ITGA1: variants seen among roughly 807,000 people sequenced by gnomAD.
ITGA1 encodes integrin alpha-1.
ITGA1 carries 85 observed loss-of-function variants against 145.9 expected under a neutral mutation model. That is an observed-to-expected ratio of 0.58 (90% CI 0.49 to 0.70). The LOEUF is 0.70. ITGA1 is among the 30% of genes least tolerant of loss of function. The pLI is 0.00. For synonymous variants in ITGA1, 520 were observed against 495.3 expected (o/e 1.05, Z -0.66); for missense variants, 1,351 against 1,418.7 (o/e 0.95, Z 0.77).
intron 1 of ITGA1, among the ~76,000 whole-genome samples, chr5:52,809,217 C>G (rs1238818522): frequency 6.6e-6 from 1 of 152,158 alleles, no homozygotes; most frequent in African/African-American, 2.4e-5. Flanking sequence ...GACAGGGACT[C>G]TAATAGCCCC....
At chr5:52,866,466 G>A (rs886270143) in intron 6 of ITGA1, among the ~76,000 whole-genome samples, 5 of 152,104 alleles carry the variant, frequency 3.3e-5, no homozygotes, top group African/African-American at 7.2e-5. Context: ...AGAGCCGGGT[G>A]TCAGAGTTTG....
intron 22 of ITGA1, 32 bp from the exon 23 acceptor site, chr5:52,933,862 T>C: frequency 9.4e-7 from 1 of 1,069,116 alleles, no homozygotes; most frequent in South Asian, 1.8e-5. Flanking sequence ...AACTTTGTTA[T>C]GTTTTATTTT....
At chr5:52,865,572 C>A in intron 5 of ITGA1, 118 bp from the exon 6 acceptor site, 1 of 767,584 alleles carries the variant, frequency 1.3e-6, no homozygotes, top group Non-Finnish European at 1.9e-6. Context: ...AACAATGTGT[C>A]TACTTTGGAG....
chr5:52,899,586 GGAGAAAA>G (rs1750282723), intron 11 of ITGA1, among the ~76,000 whole-genome samples: 1 of 152,092 alleles, frequency 6.6e-6, no homozygotes, highest in African/African-American at 2.4e-5. Context: ...CATACTACAA[GGAGAAAA>G]TGACAAACTA....
At chr5:52,891,674 A>T (rs546838635) in intron 8 of ITGA1, among the ~76,000 whole-genome samples, 87 of 141,380 alleles carry the variant, frequency 6.2e-4, no homozygotes, top group Admixed American at 3.5e-3. Flanking sequence ...TTTTAAAAAA[A>T]ATATTGAAGC....
chr5:52,896,685 A>G (rs554806052), intron 9 of ITGA1, among the ~76,000 whole-genome samples: 2 of 152,290 alleles, frequency 1.3e-5, no homozygotes, highest in Admixed American at 6.5e-5. Context: ...CATTCCATCA[A>G]TTCCCTCAGG....
intron 1 of ITGA1, among the ~76,000 whole-genome samples, chr5:52,834,957 AC>A (rs1276227733): frequency 6.6e-6 from 1 of 152,184 alleles, no homozygotes; most frequent in African/African-American, 2.4e-5. Context: ...TGAGAGAAGG[AC>A]AAAGAAGAAA....
intron 1 of ITGA1, among the ~76,000 whole-genome samples, chr5:52,790,435 A>G (rs1305883344): frequency 6.6e-6 from 1 of 152,218 alleles, no homozygotes; most frequent in Non-Finnish European, 1.5e-5. Context: ...ACAGTTCTGT[A>G]GGTCAGAAGT....
chr5:52,835,491 A>C (rs969097794), intron 1 of ITGA1, among the ~76,000 whole-genome samples: 1 of 152,150 alleles, frequency 6.6e-6, no homozygotes, highest in Non-Finnish European at 1.5e-5. Flanking sequence ...TTGAGAATAC[A>C]AGATGTTTCA....
chr5:52,877,730 C>T (rs1749889762), intron 6 of ITGA1, among the ~76,000 whole-genome samples: 1 of 152,196 alleles, frequency 6.6e-6, no homozygotes, highest in Non-Finnish European at 1.5e-5. Flanking sequence ...AGCTGTAACG[C>T]TGCAGCTTCA....
intron 1 of ITGA1, among the ~76,000 whole-genome samples, chr5:52,825,721 C>T (rs1326593818): frequency 6.6e-6 from 1 of 152,112 alleles, no homozygotes; most frequent in Non-Finnish European, 1.5e-5. Context: ...AGATCGAGAC[C>T]ATTCTGGTCA....
chr5:52,800,256 GT>G (rs752814686), intron 1 of ITGA1: 12 of 806,022 alleles, frequency 1.5e-5, no homozygotes, highest in Non-Finnish European at 2.4e-5. Context: ...AAGCAAGCGT[GT>G]TTCCTTCCCG....
chr5:52,931,967 C>T (rs1208010712), intron 21 of ITGA1, 80 bp from the exon 22 acceptor site: 4 of 819,944 alleles, frequency 4.9e-6, no homozygotes, highest in Non-Finnish European at 2.0e-6. Flanking sequence ...CCAGGATAAG[C>T]TTCTCTTTCA....
chr5:52,882,455 C>T (rs769166675), intron 7 of ITGA1, among the ~76,000 whole-genome samples: 22 of 151,808 alleles, frequency 1.4e-4, no homozygotes, highest in Non-Finnish European at 2.6e-4. Context: ...TTACCGTTAT[C>T]GAAGCTACTA....
At chr5:52,845,656 A>T (rs1369058351) in intron 1 of ITGA1, among the ~76,000 whole-genome samples, 1 of 152,080 alleles carries the variant, frequency 6.6e-6, no homozygotes, top group Non-Finnish European at 1.5e-5. Flanking sequence ...GAGATTTTTG[A>T]TTATGACAAC....
chr5:52,866,682 A>T (rs576438530), intron 6 of ITGA1, among the ~76,000 whole-genome samples: 1 of 152,304 alleles, frequency 6.6e-6, no homozygotes, highest in South Asian at 2.1e-4. Flanking sequence ...CCCCCAATTA[A>T]TATCTATTTC....
chr5:52,883,415 G>T (rs7711361), intron 7 of ITGA1, among the ~76,000 whole-genome samples: 3,800 of 152,262 alleles, frequency 0.025, 181 homozygotes, highest in African/African-American at 0.088. Context: ...TTCACAAAGG[G>T]TATAGCTGTG....
chr5:52,952,116 G>T (rs568703379), intron 28 of ITGA1, among the ~76,000 whole-genome samples: 1 of 151,794 alleles, frequency 6.6e-6, no homozygotes, highest in African/African-American at 2.4e-5. Flanking sequence ...CTTGAACCCG[G>T]GTGGCGGAGG....
In ITGA1 at chr5:52,893,699, A is replaced by C; in HGVS notation, c.949A>C (p.Asn317His). The change falls in exon 9 of 29, where the codon AAT (asparagine) becomes CAT (histidine). Residue 317 changes from asparagine to histidine, a missense_variant. Asn to His is a moderately conservative substitution (Grantham distance 68). Coordinates refer to ENST00000282588, the MANE Select transcript of ITGA1 (RefSeq NM_181501.2). ...GATTCTTGGCAGCTATAACCGAGGA[A>C]ATTTAAGCACTGAAAAATTTGTGGA... ...IAILGSYNRG[N>H]LSTEKFVEEI... 1 of 1,612,850 alleles carries C rather than the reference A, an allele frequency of 6.2e-7. No individual in the cohort carries two copies. The highest frequency in any genetic ancestry group is 8.5e-7 in the Non-Finnish European group (1 of 1,179,256).
Sources: allele counts gnomAD v4.1 joint callset (sites outside exome capture counted in the v4.1 genomes callset), GRCh38; gene constraint gnomAD v4.1.1; transcripts MANE v1.5; gene names NCBI Gene and HGNC (gene_info 2026-07-23, HGNC 2026-07-21).